The following ITCH variants were observed in gnomAD, a reference collection of about 807,000 sequenced individuals.
ITCH encodes the protein E3 ubiquitin-protein ligase Itchy homolog.
Under a neutral mutation model 126.8 loss-of-function variants are expected in ITCH, and 28 were observed. That is an observed-to-expected ratio of 0.22 (90% CI 0.16 to 0.30). The LOEUF is 0.30. ITCH is among the 10% of genes least tolerant of loss of function. The pLI is 1.00. For missense variants in ITCH, 631 were observed against 1,032.4 expected, an observed-to-expected ratio of 0.61 and a Z score of 5.33; for synonymous variants, 342 against 340.0, an observed-to-expected ratio of 1.01 and a Z score of -0.06.
intron 4 of ITCH, among the ~76,000 whole-genome samples, chr20:34,411,536 G>A (rs1979041556): frequency 1.3e-5 from 2 of 152,114 alleles, no homozygotes; most frequent in South Asian, 4.1e-4. Flanking sequence ...TGAATACATT[G>A]TATCCCCTAA....
At chr20:34,366,815 C>CA (rs1361059826) in intron 1 of ITCH, among the ~76,000 whole-genome samples, 1 of 151,752 alleles carries the variant, frequency 6.6e-6, no homozygotes, top group East Asian at 1.9e-4. Context: ...AGATAGGTAT[C>CA]AAAAAACAAA....
At chr20:34,409,429 T>C (rs1978663677) in intron 4 of ITCH, among the ~76,000 whole-genome samples, 1 of 152,146 alleles carries the variant, frequency 6.6e-6, no homozygotes, top group South Asian at 2.1e-4. Context: ...GATGGGGTCT[T>C]GCTATGTTGT....
At chr20:34,480,538 T>C (rs974012250) in intron 18 of ITCH, 61 bp from the exon 19 acceptor site, 4 of 1,569,502 alleles carry the variant, frequency 2.5e-6, no homozygotes, top group Middle Eastern at 1.7e-4. Context: ...ACATCTAATA[T>C]ATTGAAATAA....
At chr20:34,445,733 A>G (rs891529774) in intron 11 of ITCH, among the ~76,000 whole-genome samples, 1 of 152,218 alleles carries the variant, frequency 6.6e-6, no homozygotes, top group Non-Finnish European at 1.5e-5. Flanking sequence ...CATGAACAAA[A>G]GAGTAGTAAA....
At chr20:34,410,463 A>G (rs1285347101) in intron 4 of ITCH, among the ~76,000 whole-genome samples, 1 of 152,154 alleles carries the variant, frequency 6.6e-6, no homozygotes, top group Non-Finnish European at 1.5e-5. Context: ...TTATTTCAAC[A>G]TAAATGTTTC....
intron 2 of ITCH, chr20:34,384,315 T>C (rs540158792): frequency 6.6e-4 from 90 of 135,770 alleles, no homozygotes; most frequent in Admixed American, 3.3e-4. Flanking sequence ...AGAGTCTTGC[T>C]CTGTCGCCCA....
intron 23 of ITCH, among the ~76,000 whole-genome samples, chr20:34,495,921 TAAAAAAAAAA>T (rs35357680): frequency 0.054 from 2,684 of 49,946 alleles, 88 homozygotes; most frequent in African/African-American, 0.16. Flanking sequence ...CTGAAAATAC[TAAAAAAAAAA>T]AAAAAAAAAA....
At chr20:34,507,291 G>GTTTTTTTTTTTTTTTTTTT (rs1990698534) in intron 24 of ITCH, among the ~76,000 whole-genome samples, 5 of 31,336 alleles carry the variant, frequency 1.6e-4, no homozygotes, top group African/African-American at 2.8e-4. Context: ...TTTTTTTTTG[G>GTTTTTTTTTTTTTTTTTTT]TTGTTGTTGT....
At chr20:34,386,698 T>C (rs559254849) in intron 2 of ITCH, among the ~76,000 whole-genome samples, 7 of 152,180 alleles carry the variant, frequency 4.6e-5, no homozygotes, top group Non-Finnish European at 8.8e-5. Flanking sequence ...TGTAAAAATA[T>C]CTGATTATGT....
intron 2 of ITCH, among the ~76,000 whole-genome samples, chr20:34,373,098 C>G (rs1202760239): frequency 1.3e-5 from 2 of 151,754 alleles, no homozygotes; most frequent in Non-Finnish European, 2.9e-5. Context: ...CCTGAGTCTC[C>G]CAAGTAGCTG....
chr20:34,436,955 T>G (rs539771047), intron 7 of ITCH, among the ~76,000 whole-genome samples: 1 of 152,206 alleles, frequency 6.6e-6, no homozygotes, highest in East Asian at 1.9e-4. Context: ...GGCGAAACCC[T>G]GTCTCTACGA....
chr20:34,414,727 A>C (rs1235183062), intron 6 of ITCH, among the ~76,000 whole-genome samples: 2 of 151,884 alleles, frequency 1.3e-5, no homozygotes, highest in African/African-American at 4.8e-5. Context: ...TGATCCGCCC[A>C]CCTCAGCCTT....
At chr20:34,451,379 G>C (rs377006179) in intron 12 of ITCH, among the ~76,000 whole-genome samples, 1 of 152,060 alleles carries the variant, frequency 6.6e-6, no homozygotes, top group South Asian at 2.1e-4. Context: ...AGGATCGCTT[G>C]AGCTTGGGAG....
Position 34,507,956 on chromosome 20 carries a change from A to G in ITCH, c.*162A>G. Reference sequence around the variant, plus strand: ...TTAGATTTATCTCCCAGTGATTTCTACTCAGCGTTTCCAGAAATCAGGTCT... The same window carrying G: ...TTAGATTTATCTCCCAGTGATTTCTGCTCAGCGTTTCCAGAAATCAGGTCT... On this transcript the variant is annotated 3_prime_UTR_variant, in exon 25 of 25. Coordinates refer to ENST00000374864, the MANE Select transcript of ITCH (RefSeq NM_031483.7). 2 of 625,268 alleles carry G rather than the reference A, an allele frequency of 3.2e-6. No individual in the cohort carries two copies. Among genetic ancestry groups the G allele is most frequent in the South Asian group, 1.7e-5 (1 of 57,694 alleles). 38.7% of individuals were successfully genotyped at this position (625,268 alleles called of 1,614,324 possible). A position where few individuals can be genotyped will look rare whatever the true frequency, so the allele number is the denominator to read the frequency against.
chr20:34,434,794 T>C (rs1368187668), intron 7 of ITCH, among the ~76,000 whole-genome samples: 1 of 152,204 alleles, frequency 6.6e-6, no homozygotes, highest in African/African-American at 2.4e-5. Flanking sequence ...ATTAGAGATG[T>C]AGAAACTGAT....
At chr20:34,478,424 C>T (rs976943723) in intron 17 of ITCH, among the ~76,000 whole-genome samples, 5 of 152,114 alleles carry the variant, frequency 3.3e-5, no homozygotes, top group African/African-American at 1.2e-4. Context: ...ATATTGGACC[C>T]TAGAAGATAG....
rs1447840431 is a variant in ITCH at position 34,510,651 on chromosome 20, ATTCCTGCTCTGTCTT to A, written c.*2860_*2874del. On this transcript the variant is annotated 3_prime_UTR_variant, in exon 25 of 25. Coordinates refer to ENST00000374864, the MANE Select transcript of ITCH (RefSeq NM_031483.7). Reference sequence around the variant, plus strand: ...CTGATCAAGCAGCTCATAATAATGAATTCCTGCTCTGTCTTTTATTATCTTATGTCAGAGTGCAGC... The same window carrying A: ...CTGATCAAGCAGCTCATAATAATGAATTATTATCTTATGTCAGAGTGCAGC... The A allele has an allele frequency of 6.6e-6, 1 of 152,026 alleles. No individual in the cohort carries two copies. Among genetic ancestry groups the A allele is most frequent in the Non-Finnish European group, 1.5e-5 (1 of 68,018 alleles). 9.4% of individuals were successfully genotyped at this position (152,026 alleles called of 1,614,324 possible). A position where few individuals can be genotyped will look rare whatever the true frequency, so the allele number is the denominator to read the frequency against.
intron 2 of ITCH, among the ~76,000 whole-genome samples, chr20:34,387,704 ATT>A (rs11477181): frequency 1.3e-5 from 2 of 148,970 alleles, no homozygotes; most frequent in East Asian, 2.0e-4. Flanking sequence ...TTGTTACTAG[ATT>A]TTTTTTTTTC....
In ITCH at chr20:34,462,167, A is replaced by G; in HGVS notation, c.1370A>G (p.Asp457Gly). The G allele has an allele frequency of 1.2e-6, 2 of 1,613,786 alleles. No individual in the cohort carries two copies. ...FTVDGIPYFV[D>G]HNRRTTTYID... ...GTGGATGGAATTCCATATTTTGTGG[A>G]CCACAATAGAAGAACTACCACCTAT... is the stretch of plus-strand genomic sequence containing the variant. Residue 457 changes from aspartate (D) to glycine (G), a missense_variant, in exon 14 of 25, where the codon GAC (aspartate) becomes GGC (glycine). This residue lies in a region of ITCH where 390 missense variants were observed against 731.6 expected (regional missense o/e 0.53). Coordinates refer to ENST00000374864, the MANE Select transcript of ITCH (RefSeq NM_031483.7).
Sources: allele counts gnomAD v4.1 joint callset (sites outside exome capture counted in the v4.1 genomes callset), GRCh38; gene constraint gnomAD v4.1.1; regional missense constraint gnomAD v4.1.1; transcripts MANE v1.5; gene names NCBI Gene and HGNC (gene_info 2026-07-23, HGNC 2026-07-21).